ERICH5: variants seen among roughly 807,000 people sequenced by gnomAD.
ERICH5 encodes the protein glutamate rich 5.
ERICH5 carries 24 observed loss-of-function variants against 28.0 expected under a neutral mutation model. The observed-to-expected ratio is 0.86, with a 90% CI of 0.62 to 1.21. ERICH5 has a LOEUF of 1.21. Among genes scored for constraint, ERICH5 ranks in the 50% most tolerant of loss-of-function variants. ERICH5 has a pLI of 0.00. For missense variants in ERICH5, 421 were observed against 441.2 expected, an observed-to-expected ratio of 0.95 and a Z score of 0.41; for synonymous variants, 163 against 157.6, an observed-to-expected ratio of 1.03 and a Z score of -0.25.
chr8:98,077,407 C>T (rs147362817), intron 1 of ERICH5, among the ~76,000 whole-genome samples: 21 of 152,280 alleles, frequency 1.4e-4, no homozygotes, highest in African/African-American at 4.8e-4. Context: ...TTTCCTTGTG[C>T]TAATAATGAC....
intron 2 of ERICH5, among the ~76,000 whole-genome samples, chr8:98,091,916 T>TCTTTCTTTCTTTCTTTCTTTCTTC (rs1815408216): frequency 1.1e-5 from 1 of 90,484 alleles, no homozygotes; most frequent in African/African-American, 4.7e-5. Context: ...TTTCTTTCTT[T>TCTTTCTTTCTTTCTTTCTTTCTTC]CTTCCTTTCT....
rs759738731 is a variant in ERICH5 at position 98,089,936 on chromosome 8, AG to A, written c.920del (p.Ser307ThrfsTer9). 3.1e-6 allele frequency: 5 copies of A among 1,614,196 alleles called. No homozygotes were observed. In the African/African-American group the frequency reaches 6.7e-5, roughly 22 times the overall value. ...GATTCAACCTGAAGGAATAGTTGGA[AG>A]CATGGAGCATCCAGCACGAAATGTA... ...EQIQPEGIVG[S>X]MEHPARNVEA... On this transcript the variant is annotated frameshift_variant, in exon 2 of 3. Coordinates refer to ENST00000318528, the MANE Select transcript of ERICH5 (RefSeq NM_173549.3). LOFTEE classifies it high-confidence loss of function.
intron 1 of ERICH5, among the ~76,000 whole-genome samples, chr8:98,079,328 G>A (rs1410785740): frequency 6.6e-6 from 1 of 151,588 alleles, no homozygotes; most frequent in Non-Finnish European, 1.5e-5. Context: ...ATGCCACCAT[G>A]CCCAGCTAAT....
chr8:98,080,703 C>T lies in ERICH5; in HGVS notation c.59-8373C>T, dbSNP rs1301394578. 4.5e-5 allele frequency among the ~76,000 whole-genome samples: 6 copies of T among 132,838 alleles called. No individual in the cohort carries two copies. In the East Asian group the frequency reaches 9.4e-4, roughly 21 times the overall value. The allele number at this position is 132,838 out of a possible 152,430, so 87.1% of individuals were successfully genotyped here. On this transcript the variant is annotated intron_variant, in intron 1 of 2. Coordinates refer to ENST00000318528, the MANE Select transcript of ERICH5 (RefSeq NM_173549.3). ...TTCTTCTTCTTCTCCCCCTCCCGTC[C>T]CCCCTCCCCCTCCCTCTCCTTCTCC...
intron 1 of ERICH5, among the ~76,000 whole-genome samples, chr8:98,084,444 G>T (rs181441465): frequency 1.3e-5 from 2 of 151,998 alleles, no homozygotes; most frequent in Admixed American, 1.3e-4. Context: ...GTGCAATGGC[G>T]TGATCTTGGC....
At chr8:98,080,980 G>A (rs1815173753) in intron 1 of ERICH5, among the ~76,000 whole-genome samples, 1 of 152,012 alleles carries the variant, frequency 6.6e-6, no homozygotes, top group Non-Finnish European at 1.5e-5. Flanking sequence ...TGGGATTACA[G>A]GCGTGAGCCA....
Position 98,075,190 on chromosome 8 carries a change from A to G in ERICH5, c.58+10463A>G, listed in dbSNP as rs1234806107. 1.3e-5 allele frequency among the ~76,000 whole-genome samples: 2 copies of G among 152,120 alleles called. 1 individual carries two copies. The highest frequency in any genetic ancestry group is 2.9e-5 in the Non-Finnish European group (2 of 68,026). ...TTCTCACTGCCCCCTAGACTTCTCTAATATTCCTCCTGGAGACTCTGAAGT... is the reference window on the plus strand; with the variant it reads ...TTCTCACTGCCCCCTAGACTTCTCTGATATTCCTCCTGGAGACTCTGAAGT... On this transcript the variant is annotated intron_variant, in intron 1 of 2. Transcript: ENST00000318528.
chr8:98,085,424 A>G (rs935080636), intron 1 of ERICH5, among the ~76,000 whole-genome samples: 2 of 151,660 alleles, frequency 1.3e-5, no homozygotes, highest in Non-Finnish European at 2.9e-5. Context: ...CGGCCTCCCA[A>G]AGTGCTGGGA....
intron 2 of ERICH5, among the ~76,000 whole-genome samples, chr8:98,091,546 G>C (rs1281763135): frequency 6.6e-6 from 1 of 152,212 alleles, no homozygotes; most frequent in Non-Finnish European, 1.5e-5. Flanking sequence ...ATGTCATACT[G>C]TGGGAGCCCA....
chr8:98,072,498 C>T (rs1388239606), intron 1 of ERICH5, among the ~76,000 whole-genome samples: 1 of 152,076 alleles, frequency 6.6e-6, no homozygotes, highest in Non-Finnish European at 1.5e-5. Flanking sequence ...ATTAGCTAGG[C>T]ATGGTGGCAC....
At chr8:98,083,261 A>G (rs1815214341) in intron 1 of ERICH5, among the ~76,000 whole-genome samples, 1 of 152,232 alleles carries the variant, frequency 6.6e-6, no homozygotes, top group Non-Finnish European at 1.5e-5. Context: ...GACATCTGTG[A>G]TTAGTACATT....
chr8:98,087,194 TA>T (rs1227179174), intron 1 of ERICH5, among the ~76,000 whole-genome samples: 5 of 151,744 alleles, frequency 3.3e-5, no homozygotes, highest in South Asian at 2.1e-4. Flanking sequence ...ATTTAAAAAA[TA>T]AAAAAAGTTA....
chr8:98,065,073 A>G (rs2513819), intron 1 of ERICH5, among the ~76,000 whole-genome samples: 2 of 152,082 alleles, frequency 1.3e-5, no homozygotes, highest in African/African-American at 4.8e-5. Flanking sequence ...TAAACACAGG[A>G]GAAATGTCCT....
At chr8:98,072,587 G>A (rs1171897304) in intron 1 of ERICH5, among the ~76,000 whole-genome samples, 1 of 152,092 alleles carries the variant, frequency 6.6e-6, no homozygotes, top group Non-Finnish European at 1.5e-5. Flanking sequence ...GCAGTGAACC[G>A]AGGTTGTGCC....
chr8:98,067,093 A>G (rs1202572258), intron 1 of ERICH5, among the ~76,000 whole-genome samples: 1 of 152,194 alleles, frequency 6.6e-6, no homozygotes, highest in Non-Finnish European at 1.5e-5. Flanking sequence ...AAGAGTAAAT[A>G]ATTTATCCAA....
intron 1 of ERICH5, among the ~76,000 whole-genome samples, chr8:98,088,704 A>G (rs2444861): frequency 0.31 from 46,856 of 152,080 alleles, 7,502 homozygotes; most frequent in East Asian, 0.42. Flanking sequence ...TGGAAAAAAA[A>G]TTTTTTAAAA....
At chr8:98,078,948 T>G (rs1159711708) in intron 1 of ERICH5, among the ~76,000 whole-genome samples, 1 of 152,186 alleles carries the variant, frequency 6.6e-6, no homozygotes, top group Non-Finnish European at 1.5e-5. Flanking sequence ...GCTTTTCAAG[T>G]TAGCCTGCTA....
At chr8:98,081,107 T>TC (rs914050605) in intron 1 of ERICH5, among the ~76,000 whole-genome samples, 5 of 151,326 alleles carry the variant, frequency 3.3e-5, no homozygotes, top group African/African-American at 1.2e-4. Context: ...TCTCTCTCTC[T>TC]TTTTTTCTTT....
intron 1 of ERICH5, among the ~76,000 whole-genome samples, chr8:98,069,392 T>A (rs771552226): frequency 0.027 from 3,881 of 145,280 alleles, 79 homozygotes; most frequent in Non-Finnish European, 0.041. Context: ...TTTTTTTTTT[T>A]ATATATTCTT....
Sources: allele counts gnomAD v4.1 joint callset (sites outside exome capture counted in the v4.1 genomes callset), GRCh38; gene constraint gnomAD v4.1.1; transcripts MANE v1.5; gene names NCBI Gene and HGNC (gene_info 2026-07-23, HGNC 2026-07-21).